The following NAPB variants were observed in gnomAD, a reference collection of about 807,000 sequenced individuals.
NAPB encodes beta-soluble NSF attachment protein.
NAPB carries 26 observed loss-of-function variants against 44.7 expected under a neutral mutation model. The ratio of observed to expected loss-of-function variants is 0.58; its 90% CI spans 0.43 to 0.81. The LOEUF (loss-of-function observed/expected upper bound fraction) is 0.81. Ranked by LOEUF, NAPB falls within the 30% of genes least tolerant of loss-of-function variation. The probability of loss-of-function intolerance (pLI) is 0.00; values close to 1 mark genes in which losing one functional copy is unlikely to be tolerated. For missense variants in NAPB, 315 were observed against 356.4 expected (o/e 0.88, Z 0.94); for synonymous variants, 120 against 116.8 (o/e 1.03, Z -0.18).
chr20:23,390,526 A>C (rs1416196018), intron 5 of NAPB, among the ~76,000 whole-genome samples: 1 of 152,242 alleles, frequency 6.6e-6, no homozygotes, highest in East Asian at 1.9e-4. Flanking sequence ...AGTGAGGGGC[A>C]GCCTATGACT....
chr20:23,407,306 TAAC>T (rs1985323009), intron 1 of NAPB, among the ~76,000 whole-genome samples: 1 of 152,206 alleles, frequency 6.6e-6, no homozygotes, highest in Non-Finnish European at 1.5e-5. Context: ...GCATTCAAAG[TAAC>T]AACTGTTATC....
chr20:23,407,733 G>T (rs1343038322), intron 1 of NAPB, among the ~76,000 whole-genome samples: 1 of 149,270 alleles, frequency 6.7e-6, no homozygotes, highest in Non-Finnish European at 1.5e-5. Context: ...GGCCAGAAGG[G>T]TCTGAGAAAA....
Position 23,390,278 on chromosome 20 carries a change from T to C in NAPB, c.421-14A>G, listed in dbSNP as rs767581687. The C allele has an allele frequency of 6.3e-7, 1 of 1,598,192 alleles. No homozygotes were observed. The highest frequency in any genetic ancestry group is 8.6e-7 in the Non-Finnish European group (1 of 1,166,140). On this transcript the variant is annotated splice_polypyrimidine_tract_variant and intron_variant, in intron 5 of 10. Transcript: ENST00000377026. Reference sequence around the variant, plus strand: ...ATGTGCAATAGCCTGAAAACATACATATTTTATTCACACACAATTTATTTG... The same window carrying C: ...ATGTGCAATAGCCTGAAAACATACACATTTTATTCACACACAATTTATTTG...
chr20:23,416,909 CACAA>C (rs777299544), intron 1 of NAPB, among the ~76,000 whole-genome samples: 2 of 152,154 alleles, frequency 1.3e-5, no homozygotes, highest in Non-Finnish European at 2.9e-5. Flanking sequence ...TCACAATTTT[CACAA>C]ACAACCAACA....
intron 7 of NAPB, among the ~76,000 whole-genome samples, chr20:23,384,165 G>C (rs956379601): frequency 6.6e-6 from 1 of 152,120 alleles, no homozygotes; most frequent in African/African-American, 2.4e-5. Flanking sequence ...AGTTCCACAG[G>C]GCCGACTGTG....
chr20:23,397,879 A>G (rs1400394229), intron 2 of NAPB, among the ~76,000 whole-genome samples: 3 of 152,262 alleles, frequency 2.0e-5, no homozygotes, highest in Non-Finnish European at 4.4e-5. Context: ...ACTGGGACAC[A>G]GTACAACATA....
intron 1 of NAPB, among the ~76,000 whole-genome samples, chr20:23,403,925 G>A (rs1985045528): frequency 6.6e-6 from 1 of 152,164 alleles, no homozygotes; most frequent in Non-Finnish European, 1.5e-5. Flanking sequence ...CCAACCTGGA[G>A]GAAGCCTCAG....
At chr20:23,397,051 C>T (rs919435396) in intron 3 of NAPB, 21 bp downstream of exon 3, 2 of 1,610,020 alleles carry the variant, frequency 1.2e-6, no homozygotes. Flanking sequence ...AGATAGCATG[C>T]TACATGCCTG....
At chr20:23,416,131 G>A (rs562333015) in intron 1 of NAPB, among the ~76,000 whole-genome samples, 37 of 152,198 alleles carry the variant, frequency 2.4e-4, no homozygotes, top group African/African-American at 6.5e-4. Flanking sequence ...CGTGCCTAAC[G>A]CATGCCTCAG....
chr20:23,397,252 A>C, intron 2 of NAPB, 64 bp from the exon 3 acceptor site: 5 of 1,518,644 alleles, frequency 3.3e-6, no homozygotes, highest in Non-Finnish European at 4.5e-6. Context: ...CCATGCTGTA[A>C]GCACTGGACC....
intron 2 of NAPB, among the ~76,000 whole-genome samples, chr20:23,398,971 G>A (rs984003270): frequency 7.1e-6 from 1 of 140,102 alleles, no homozygotes; most frequent in African/African-American, 2.7e-5. Flanking sequence ...TGGGATTACA[G>A]ATGATTATAC....
At chr20:23,401,891 A>G (rs1984882331) in intron 2 of NAPB, among the ~76,000 whole-genome samples, 1 of 150,622 alleles carries the variant, frequency 6.6e-6, no homozygotes, top group Non-Finnish European at 1.5e-5. Context: ...GAATAAATAA[A>G]TAAATAAACA....
intron 7 of NAPB, among the ~76,000 whole-genome samples, chr20:23,384,306 A>C (rs1983290385): frequency 6.6e-6 from 1 of 152,164 alleles, no homozygotes. Context: ...TCACACCTAT[A>C]ATCCTGGCAC....
rs1214709810 is a variant in NAPB, at chr20:23,394,971, T to A, written c.371A>T (p.His124Leu). The A allele has an allele frequency of 6.2e-7, 1 of 1,614,070 alleles. No individual in the cohort carries two copies. The highest frequency in any genetic ancestry group is 8.5e-7 in the Non-Finnish European group (1 of 1,180,032). ...MGRFTIAAKH[H>L]ITIAEIYETE... ...CTCATAGATCTCTGCAATAGTAATG[T>A]GGTGCTTGGCTGCAATTGTAAACCT... The change falls in exon 5 of 11, where the codon CAC becomes CTC. Residue 124 changes from histidine (H) to leucine (L), a missense_variant. This residue lies in a region of NAPB where 179 missense variants were observed against 182.5 expected (regional missense o/e 0.98). Transcript: ENST00000377026.
intron 1 of NAPB, among the ~76,000 whole-genome samples, chr20:23,405,323 G>GAGAGAAAGAAAGAA (rs1985164742): frequency 7.2e-6 from 1 of 139,524 alleles, no homozygotes; most frequent in Non-Finnish European, 1.6e-5. Context: ...AAGAGAGAGA[G>GAGAGAAAGAAAGAA]AGAGAAAGAA....
intron 1 of NAPB, among the ~76,000 whole-genome samples, chr20:23,407,466 G>C (rs1216680459): frequency 6.6e-6 from 1 of 151,992 alleles, no homozygotes; most frequent in Non-Finnish European, 1.5e-5. Context: ...TTGTATTACA[G>C]GAATCTGACT....
In NAPB at chr20:23,418,293, A is replaced by G. The variant is rs557704864; in HGVS notation, c.98+3012T>C. On this transcript the variant is annotated intron_variant, in intron 1 of 10. Coordinates refer to ENST00000377026, the MANE Select transcript of NAPB (RefSeq NM_022080.3). ...GCGTTTTAAATAAAGGATTACATGC[A>G]GACCTTTAGGAATGAAAATGGTGAC... Among the ~76,000 whole-genome samples, 5 of 152,360 alleles carry G rather than the reference A, an allele frequency of 3.3e-5. No homozygotes were observed. The South Asian group carries it at 1.0e-3, about 32-fold the overall frequency.
chr20:23,391,670 C>T (rs1983967675), intron 5 of NAPB, among the ~76,000 whole-genome samples: 1 of 152,108 alleles, frequency 6.6e-6, no homozygotes, highest in Non-Finnish European at 1.5e-5. Flanking sequence ...CAGCCATACA[C>T]AAGATATAAA....
chr20:23,401,847 C>G (rs533861987), intron 2 of NAPB, among the ~76,000 whole-genome samples: 21 of 152,330 alleles, frequency 1.4e-4, no homozygotes, highest in African/African-American at 3.6e-4. Flanking sequence ...TACCACTGCA[C>G]TCTAGCTTGG....
Sources: allele counts gnomAD v4.1 joint callset (sites outside exome capture counted in the v4.1 genomes callset), GRCh38; gene constraint gnomAD v4.1.1; regional missense constraint gnomAD v4.1.1; transcripts MANE v1.5; gene names NCBI Gene and HGNC (gene_info 2026-07-23, HGNC 2026-07-21).